DISP3: variants seen among roughly 807,000 people sequenced by gnomAD.
DISP3 encodes dispatched RND transporter family member 3.
In DISP3, 101 loss-of-function variants were observed where a neutral mutation model predicts 135.3. The ratio of observed to expected loss-of-function variants is 0.75; its 90% CI spans 0.64 to 0.88. The LOEUF (loss-of-function observed/expected upper bound fraction) is 0.88. Ranked by LOEUF, DISP3 falls within the 40% of genes least tolerant of loss-of-function variation. The pLI, the probability that DISP3 is intolerant of heterozygous loss-of-function variation, is 0.00. For synonymous variants in DISP3, 856 were observed against 817.0 expected (o/e 1.05, Z -0.81); for missense variants, 1,713 against 1,878.6 (o/e 0.91, Z 1.63).
rs541323017 is a variant in DISP3 at position 11,483,755 on chromosome 1, C to T, written c.-4+4383C>T. Among the ~76,000 whole-genome samples the T allele has an allele frequency of 4.6e-5, 7 of 152,320 alleles. 1 individual carries two copies. In the South Asian group the frequency reaches 8.3e-4, roughly 18 times the overall value. ...CAAGGCTTCTGAGCCATGGCTGGGCCGGAGCTGAGTCCCCGTGAGAGTCTG... is the reference window on the plus strand; with the variant it reads ...CAAGGCTTCTGAGCCATGGCTGGGCTGGAGCTGAGTCCCCGTGAGAGTCTG... On this transcript the variant is annotated intron_variant, in intron 1 of 20. Coordinates refer to ENST00000294484, the MANE Select transcript of DISP3 (RefSeq NM_020780.2). The surrounding 1 kb of genome is among the most constrained non-coding windows in gnomAD (Gnocchi z 5.4).
Position 11,503,006 on chromosome 1 carries a change from C to CT in DISP3, c.1316+112dup, listed in dbSNP as rs1641596193. The CT allele has an allele frequency of 3.2e-5, 33 of 1,027,380 alleles. 1 individual carries two copies. The South Asian group carries it at 5.1e-4, about 16-fold the overall frequency. 63.6% of individuals were successfully genotyped at this position (1,027,380 alleles called of 1,614,324 possible). Reference sequence around the variant, plus strand: ...CCCTATAATCTTTTCCTTTGGAAGTCTTTCTTTCCAAATTGGGGCAGAACC... The same window carrying CT: ...CCCTATAATCTTTTCCTTTGGAAGTCTTTTCTTTCCAAATTGGGGCAGAACC... On this transcript the variant is annotated intron_variant, in intron 3 of 20. Transcript: ENST00000294484.
At chr1:11,530,859 C>T in intron 15 of DISP3, 48 bp from the exon 16 acceptor site, 9 of 1,608,650 alleles carry the variant, frequency 5.6e-6, no homozygotes, top group Non-Finnish European at 1.7e-6. Context: ...AGGACTGAGT[C>T]CCCGTCTCAC....
intron 1 of DISP3, among the ~76,000 whole-genome samples, chr1:11,484,198 C>T (rs1640976169): frequency 6.6e-6 from 1 of 152,226 alleles, no homozygotes; most frequent in African/African-American, 2.4e-5. Context: ...CCCATAACCA[C>T]TCAAGAGGGA....
rs1009539255 is a variant in DISP3, at chr1:11,520,026, G to T, written c.2200+146G>T. The T allele has an allele frequency of 5.9e-5, 46 of 777,710 alleles. No individual in the cohort carries two copies. Among genetic ancestry groups the T allele is most frequent in the Middle Eastern group, 7.7e-4 (2 of 2,608 alleles). 48.2% of individuals were successfully genotyped at this position (777,710 alleles called of 1,614,324 possible). On this transcript the variant is annotated intron_variant, in intron 9 of 20. Coordinates refer to ENST00000294484, the MANE Select transcript of DISP3 (RefSeq NM_020780.2). The surrounding 1 kb of genome is among the most constrained non-coding windows in gnomAD (Gnocchi z 4.8). ...CCCTCTCTGACCCCCCCTCTTTCCT[G>T]TGCAGAATGAAGCCGGTCATGGCGG...
intron 13 of DISP3, among the ~76,000 whole-genome samples, chr1:11,528,056 T>G (rs543622466): frequency 1.3e-5 from 2 of 152,320 alleles, no homozygotes; most frequent in African/African-American, 4.8e-5. Context: ...TCTGGCGTAG[T>G]AGGTACAAAT....
chr1:11,498,932 T>G (rs1641420194), intron 1 of DISP3, among the ~76,000 whole-genome samples: 1 of 152,202 alleles, frequency 6.6e-6, no homozygotes, highest in Non-Finnish European at 1.5e-5. Context: ...GCCGTAGCTC[T>G]TAACACGCTG....
rs764737641 is a variant in DISP3 at position 11,501,823 on chromosome 1, C to G, written c.831C>G (p.Leu277=). ...TQTHAHWRIE[L]IFLARGDAER... The stretch of plus-strand genomic sequence containing the variant: ...CGCACGCGCACTGGCGCATCGAGCT[C>G]ATCTTCCTGGCGCGCGGCGACGCGG... The change falls in exon 2 of 21, where the codon CTC becomes CTG. Residue 277 remains leucine, a synonymous_variant. Coordinates refer to ENST00000294484, the MANE Select transcript of DISP3 (RefSeq NM_020780.2). This position sits in a 1 kb window ranked among gnomAD's most constrained non-coding sequence, Gnocchi z 4.9. 7 of 1,610,770 alleles carry G rather than the reference C, an allele frequency of 4.3e-6. No homozygotes were observed. The highest frequency in any genetic ancestry group is 1.7e-6 in the Non-Finnish European group (2 of 1,178,646).
At position 11,520,014 on chromosome 1, in the gene DISP3, C is replaced by T; in HGVS notation, c.2200+134C>T. 3.6e-6 allele frequency: 3 copies of T among 822,562 alleles called. No individual in the cohort carries two copies. Among genetic ancestry groups the T allele is most frequent in the Non-Finnish European group, 3.7e-6 (2 of 537,608 alleles). 51.0% of individuals were successfully genotyped at this position (822,562 alleles called of 1,614,324 possible). ...GCTGGGGTCTCTCCCTCTCTGACCC[C>T]CCCTCTTTCCTGTGCAGAATGAAGC... On this transcript the variant is annotated intron_variant, in intron 9 of 20. Coordinates refer to ENST00000294484, the MANE Select transcript of DISP3 (RefSeq NM_020780.2). The surrounding 1 kb of genome is among the most constrained non-coding windows in gnomAD (Gnocchi z 4.8).
intron 7 of DISP3, among the ~76,000 whole-genome samples, chr1:11,518,096 G>A (rs942182024): frequency 6.6e-6 from 1 of 152,218 alleles, no homozygotes; most frequent in African/African-American, 2.4e-5. Flanking sequence ...AGGTTTAGGG[G>A]GAAAGACCTT....
chr1:11,480,309 C>A (rs1228748452), intron 1 of DISP3, among the ~76,000 whole-genome samples: 1 of 152,144 alleles, frequency 6.6e-6, no homozygotes, highest in Non-Finnish European at 1.5e-5. Context: ...GAAGCCCGCG[C>A]ACACCCACAG....
intron 1 of DISP3, among the ~76,000 whole-genome samples, chr1:11,497,543 C>T (rs1641370980): frequency 6.6e-6 from 1 of 152,188 alleles, no homozygotes; most frequent in African/African-American, 2.4e-5. Flanking sequence ...CGCCTGCAAC[C>T]ACGCCCAGCT....
chr1:11,515,303 C>T, intron 4 of DISP3, 66 bp from the exon 5 acceptor site: 2 of 1,584,756 alleles, frequency 1.3e-6, no homozygotes, highest in South Asian at 1.1e-5. Flanking sequence ...AGGTCAGGGA[C>T]TCTAGTGGGG....
Position 11,502,792 on chromosome 1 carries a change from C to T in DISP3, c.1211C>T (p.Pro404Leu). 1.2e-6 allele frequency: 2 copies of T among 1,614,164 alleles called. No individual in the cohort carries two copies. Among genetic ancestry groups the T allele is most frequent in the Admixed American group, 1.7e-5 (1 of 60,018 alleles). ...LLRSEILFGA[P>L]LPNYYSVDDR... ...CGCAGTGAGATCCTGTTTGGAGCAC[C>T]CCTGCCCAACTACTACTCAGTAGAT... is the stretch of plus-strand genomic sequence containing the variant. The change falls in exon 3 of 21, where the codon CCC becomes CTC. Residue 404 changes from proline to leucine, a missense_variant. Transcript: ENST00000294484.
chr1:11,524,040 G>A lies in DISP3; in HGVS notation c.2461G>A (p.Glu821Lys), dbSNP rs760532242. The A allele has an allele frequency of 1.9e-6, 3 of 1,612,394 alleles. No individual in the cohort carries two copies. The highest frequency in any genetic ancestry group is 1.3e-5 in the African/African-American group (1 of 74,874). ...GSGVPWASRP[E>K]ATLQDFPGTV... ...AGGGGTCCCCTGGGCTAGCCGGCCT[G>A]AGGCCACCCTGCAGGGTGAGCACTG... Residue 821 changes from glutamate (E) to lysine (K), a missense_variant, in exon 11 of 21, where the codon GAG becomes AAG. Glu to Lys is a moderately conservative substitution (Grantham distance 56). Coordinates refer to ENST00000294484, the MANE Select transcript of DISP3 (RefSeq NM_020780.2).
At position 11,519,391 on chromosome 1, in the gene DISP3, CT is replaced by C; in HGVS notation, c.1928del (p.Phe643SerfsTer89). The C allele has an allele frequency of 6.2e-7, 1 of 1,613,882 alleles. No homozygotes were observed. Among genetic ancestry groups the C allele is most frequent in the Non-Finnish European group, 8.5e-7 (1 of 1,179,978 alleles). ...QNCSRKTSLH[F>X]PGDVFAAPEQ... ...ATTGCAGCCGGAAGACCTCCCTGCA[CT>C]TCCCCGGAGACGTGTTTGCCGCTCC... is the stretch of plus-strand genomic sequence containing the variant. On this transcript the variant is annotated frameshift_variant, in exon 8 of 21. Coordinates refer to ENST00000294484, the MANE Select transcript of DISP3 (RefSeq NM_020780.2). LOFTEE classifies it high-confidence loss of function. The surrounding 1 kb of genome is among the most constrained non-coding windows in gnomAD (Gnocchi z 4.3).
intron 3 of DISP3, among the ~76,000 whole-genome samples, chr1:11,507,374 G>T (rs1641734724): frequency 6.6e-6 from 1 of 152,084 alleles, no homozygotes; most frequent in Non-Finnish European, 1.5e-5. Context: ...TCTCTCAAAA[G>T]CTGCTAAAAA....
chr1:11,503,399 G>A (rs1641609304), intron 3 of DISP3, among the ~76,000 whole-genome samples: 1 of 152,204 alleles, frequency 6.6e-6, no homozygotes, highest in Admixed American at 6.5e-5. Context: ...TGGTAGTATA[G>A]CTCAGTCCAA....
rs975266229 is a variant in DISP3, at chr1:11,499,362, A to G, written c.-3-1628A>G. Among the ~76,000 whole-genome samples, 1 of 152,042 alleles carries G rather than the reference A, an allele frequency of 6.6e-6. No homozygotes were observed. The highest frequency in any genetic ancestry group is 2.4e-5 in the African/African-American group (1 of 41,374). Reference sequence around the variant, plus strand: ...CAGCTTTCTTCTTCTAAGGCCAAGAATCGGGCAGAGGCTCCCACACTCACC... The same window carrying G: ...CAGCTTTCTTCTTCTAAGGCCAAGAGTCGGGCAGAGGCTCCCACACTCACC... On this transcript the variant is annotated intron_variant, in intron 1 of 20. Transcript: ENST00000294484. This position sits in a 1 kb window ranked among gnomAD's most constrained non-coding sequence, Gnocchi z 5.2.
At chr1:11,490,821 G>T (rs535003205) in intron 1 of DISP3, among the ~76,000 whole-genome samples, 1 of 152,288 alleles carries the variant, frequency 6.6e-6, no homozygotes, top group South Asian at 2.1e-4. Context: ...AGCCTTGTAG[G>T]GTGGGGGTTG....
Sources: allele counts gnomAD v4.1 joint callset (sites outside exome capture counted in the v4.1 genomes callset), GRCh38; gene constraint gnomAD v4.1.1; non-coding constraint Gnocchi (gnomAD v3.1); transcripts MANE v1.5; gene names NCBI Gene and HGNC (gene_info 2026-07-23, HGNC 2026-07-21).